MAP3K5: variants seen among roughly 807,000 people sequenced by gnomAD.
The protein encoded by MAP3K5 is mitogen-activated protein kinase kinase kinase 5, also known as ASK-1.
MAP3K5 carries 56 observed loss-of-function variants against 158.7 expected under a neutral mutation model. The observed-to-expected ratio is 0.35, with a 90% CI of 0.28 to 0.44. MAP3K5 has a LOEUF of 0.44. Among genes scored for constraint, MAP3K5 ranks in the 20% least tolerant of loss-of-function variants. The pLI, the probability that MAP3K5 is intolerant of heterozygous loss-of-function variation, is 1.00. For synonymous variants in MAP3K5, 579 were observed against 601.7 expected (o/e 0.96, Z 0.55); for missense variants, 1,294 against 1,674.8 (o/e 0.77, Z 3.97).
chr6:136,672,016 G>C (rs1392622957), intron 7 of MAP3K5, among the ~76,000 whole-genome samples: 1 of 152,040 alleles, frequency 6.6e-6, no homozygotes, highest in Non-Finnish European at 1.5e-5. Context: ...CATGTAATCA[G>C]AAGTTTCATT....
chr6:136,749,289 C>T (rs1365891951), intron 1 of MAP3K5, among the ~76,000 whole-genome samples: 2 of 151,460 alleles, frequency 1.3e-5, no homozygotes, highest in Non-Finnish European at 2.9e-5. Flanking sequence ...AGGAGAATCG[C>T]TTGAACCTGA....
chr6:136,622,937 T>G lies in MAP3K5; in HGVS notation c.2061A>C (p.Gly687=). ...CGTAGACTATCCCATAAGTGCCTTT[T>G]CCTAAAACGACTCTGTCACCATTTT... ...YDENGDRVVL[G]KGTYGIVYAG... Residue 687 remains glycine (G), a synonymous_variant, in exon 15 of 30, where the codon GGA becomes GGC. Coordinates refer to ENST00000359015, the MANE Select transcript of MAP3K5 (RefSeq NM_005923.4). The G allele has an allele frequency of 6.8e-7, 1 of 1,476,970 alleles. No homozygotes were observed. The highest frequency in any genetic ancestry group is 1.1e-5 in the South Asian group (1 of 88,206). 91.5% of individuals were successfully genotyped at this position (1,476,970 alleles called of 1,614,324 possible).
chr6:136,779,519 A>T (rs182512924), intron 1 of MAP3K5, among the ~76,000 whole-genome samples: 10 of 152,004 alleles, frequency 6.6e-5, no homozygotes, highest in Admixed American at 6.5e-5. Flanking sequence ...CACCTAGTAC[A>T]CAGTAATGCA....
At chr6:136,630,693 A>G (rs76362637) in intron 14 of MAP3K5, among the ~76,000 whole-genome samples, 5,451 of 152,218 alleles carry the variant, frequency 0.036, 243 homozygotes, top group East Asian at 0.15. Context: ...CCTCACACTT[A>G]TTTCTCATTA....
intron 23 of MAP3K5, 65 bp from the exon 24 acceptor site, chr6:136,583,805 A>G (rs1214383656): frequency 5.6e-6 from 8 of 1,434,000 alleles, no homozygotes; most frequent in Non-Finnish European, 7.8e-6. Context: ...TGGTAATCCT[A>G]TCTCCATACC....
rs553873039 is a variant in MAP3K5, at chr6:136,618,623, G to A, written c.2150+4225C>T. Among the ~76,000 whole-genome samples, 29 of 152,264 alleles carry A rather than the reference G, an allele frequency of 1.9e-4. No individual in the cohort carries two copies. In the South Asian group the frequency reaches 5.6e-3, roughly 29 times the overall value. Reference sequence around the variant, plus strand: ...GCAGCAATTTGATAGTGATGACCTCGTTAAATTTCATATTGTTTCAAAGTC... The same window carrying A: ...GCAGCAATTTGATAGTGATGACCTCATTAAATTTCATATTGTTTCAAAGTC... On this transcript the variant is annotated intron_variant, in intron 15 of 29. Coordinates refer to ENST00000359015, the MANE Select transcript of MAP3K5 (RefSeq NM_005923.4).
At chr6:136,715,838 C>T (rs1019001284) in intron 2 of MAP3K5, among the ~76,000 whole-genome samples, 3 of 151,584 alleles carry the variant, frequency 2.0e-5, no homozygotes, top group Admixed American at 1.3e-4. Flanking sequence ...TGATATCAGC[C>T]TGGCCAACAT....
intron 19 of MAP3K5, among the ~76,000 whole-genome samples, chr6:136,603,499 T>C (rs1775972739): frequency 6.6e-6 from 1 of 152,036 alleles, no homozygotes; most frequent in African/African-American, 2.4e-5. Context: ...TTTTTATCCT[T>C]ATTTTATAGA....
chr6:136,702,331 G>A (rs935646576), intron 3 of MAP3K5, among the ~76,000 whole-genome samples: 2 of 152,086 alleles, frequency 1.3e-5, no homozygotes, highest in African/African-American at 4.8e-5. Context: ...AGATATAATT[G>A]CCCAGAAAAG....
intron 1 of MAP3K5, among the ~76,000 whole-genome samples, chr6:136,725,730 G>T (rs1781939306): frequency 6.6e-6 from 1 of 152,020 alleles, no homozygotes; most frequent in South Asian, 2.1e-4. Context: ...TTATTTAATG[G>T]ATTGTGCTTC....
chr6:136,630,044 C>T (rs1004800169), intron 14 of MAP3K5, among the ~76,000 whole-genome samples: 26 of 152,268 alleles, frequency 1.7e-4, no homozygotes, highest in African/African-American at 6.0e-4. Context: ...AGCCACCACA[C>T]CCGGCCTAAA....
chr6:136,720,613 C>G, intron 1 of MAP3K5, 24 bp from the exon 2 acceptor site: 1 of 1,592,022 alleles, frequency 6.3e-7, no homozygotes, highest in East Asian at 2.3e-5. Flanking sequence ...ACAAAGTCCC[C>G]CAAAGAATGA....
intron 1 of MAP3K5, among the ~76,000 whole-genome samples, chr6:136,768,668 CTT>C (rs1225699031): frequency 6.6e-6 from 1 of 151,652 alleles, no homozygotes; most frequent in Non-Finnish European, 1.5e-5. Context: ...AATCCCAGCA[CTT>C]TGGGAGGCCA....
At chr6:136,728,697 A>T (rs1782080221) in intron 1 of MAP3K5, among the ~76,000 whole-genome samples, 1 of 152,242 alleles carries the variant, frequency 6.6e-6, no homozygotes, top group Admixed American at 6.5e-5. Context: ...TCAAACATAA[A>T]TCATTCTCAT....
chr6:136,758,341 T>C (rs943684253), intron 1 of MAP3K5, among the ~76,000 whole-genome samples: 18 of 152,274 alleles, frequency 1.2e-4, no homozygotes, highest in Admixed American at 3.9e-4. Flanking sequence ...TCCTTTAAGA[T>C]GTTCCCATGA....
intron 7 of MAP3K5, among the ~76,000 whole-genome samples, chr6:136,690,922 G>A (rs904877909): frequency 1.3e-5 from 2 of 151,994 alleles, no homozygotes; most frequent in Non-Finnish European, 2.9e-5. Flanking sequence ...ATCTAGAATT[G>A]TCTTTACTTC....
chr6:136,577,359 C>T (rs997179959), intron 25 of MAP3K5, among the ~76,000 whole-genome samples: 1 of 152,156 alleles, frequency 6.6e-6, no homozygotes, highest in African/African-American at 2.4e-5. Context: ...ATGGACTTAT[C>T]TTATCCTGAG....
In MAP3K5 at chr6:136,561,518, GACAGTTTTC is replaced by G. The variant is rs778343033; in HGVS notation, c.3987+6_3987+14del. The stretch of plus-strand genomic sequence containing the variant: ...GAAGTGAAAGAATACTTGTCCCACA[GACAGTTTTC>G]TTTACCCGGCTTATAGTGTCTTCAT... On this transcript the variant is annotated splice_donor_region_variant and intron_variant, in intron 28 of 29. Transcript: ENST00000359015. The G allele has an allele frequency of 1.9e-6, 3 of 1,551,766 alleles. No homozygotes were observed. In the Admixed American group the frequency reaches 5.0e-5, roughly 26 times the overall value.
intron 7 of MAP3K5, among the ~76,000 whole-genome samples, chr6:136,683,691 C>T (rs952452231): frequency 6.6e-6 from 1 of 152,102 alleles, no homozygotes; most frequent in Non-Finnish European, 1.5e-5. Context: ...TGCCCAAGAT[C>T]ACACTGTTTC....
Sources: allele counts gnomAD v4.1 joint callset (sites outside exome capture counted in the v4.1 genomes callset), GRCh38; gene constraint gnomAD v4.1.1; transcripts MANE v1.5; gene names NCBI Gene and HGNC (gene_info 2026-07-23, HGNC 2026-07-21).